COG3: variants seen among roughly 807,000 people sequenced by gnomAD.
COG3 encodes component of oligomeric golgi complex 3.
COG3 carries 32 observed loss-of-function variants against 114.1 expected under a neutral mutation model. The observed-to-expected ratio is 0.28, with a 90% confidence interval of 0.21 to 0.38. The LOEUF (loss-of-function observed/expected upper bound fraction) is 0.38. Ranked by LOEUF, COG3 falls within the 10% of genes least tolerant of loss-of-function variation. The pLI, the probability that COG3 is intolerant of heterozygous loss-of-function variation, is 1.00. For synonymous variants in COG3, 352 were observed against 365.7 expected (o/e 0.96, Z 0.43); for missense variants, 813 against 973.2 (o/e 0.84, Z 2.19).
chr13:45,533,105 G>C (rs955632569), intron 22 of COG3, among the ~76,000 whole-genome samples: 3 of 151,988 alleles, frequency 2.0e-5, no homozygotes, highest in Non-Finnish European at 2.9e-5. Flanking sequence ...GCTCTTCTGA[G>C]TGCTTCACGT....
chr13:45,466,286 G>A (rs1885136243), intron 1 of COG3, among the ~76,000 whole-genome samples: 1 of 152,066 alleles, frequency 6.6e-6, no homozygotes, highest in African/African-American at 2.4e-5. Context: ...TGATCTGCCC[G>A]CCTCGGCCTC....
chr13:45,511,338 T>G (rs563703812), intron 15 of COG3, among the ~76,000 whole-genome samples: 1 of 152,222 alleles, frequency 6.6e-6, no homozygotes, highest in Non-Finnish European at 1.5e-5. Flanking sequence ...TGAAGAGCCA[T>G]GTACATGATT....
At chr13:45,484,194 G>C (rs887101812) in intron 7 of COG3, among the ~76,000 whole-genome samples, 1 of 151,956 alleles carries the variant, frequency 6.6e-6, no homozygotes, top group African/African-American at 2.4e-5. Flanking sequence ...CATTTTTACC[G>C]TTCACATTGT....
Position 45,535,286 on chromosome 13 carries a change from C to T in COG3, c.*555C>T, listed in dbSNP as rs982350783. On this transcript the variant is annotated 3_prime_UTR_variant, in exon 23 of 23. Coordinates refer to ENST00000349995, the MANE Select transcript of COG3 (RefSeq NM_031431.4). Reference sequence around the variant, plus strand: ...AACACATTCTGCCTTCCTGGGAAGTCGGGGTGTCATCCTTTCCTCTGTTTG... The same window carrying T: ...AACACATTCTGCCTTCCTGGGAAGTTGGGGTGTCATCCTTTCCTCTGTTTG... 4.1e-6 allele frequency: 4 copies of T among 985,220 alleles called. No homozygotes were observed. Among genetic ancestry groups the T allele is most frequent in the Admixed American group, 6.2e-5 (1 of 16,256 alleles). 61.0% of individuals were successfully genotyped at this position (985,220 alleles called of 1,614,324 possible). A position where few individuals can be genotyped will look rare whatever the true frequency, so the allele number is the denominator to read the frequency against.
intron 1 of COG3, 36 bp downstream of exon 1, chr13:45,465,246 G>T (rs767448586): frequency 1.2e-6 from 2 of 1,604,526 alleles, no homozygotes; most frequent in Non-Finnish European, 1.7e-6. Flanking sequence ...CGGGGCGATG[G>T]GGCTGGGATT....
Position 45,465,134 on chromosome 13 carries a change from C to T in COG3, c.98C>T (p.Ala33Val). Residue 33 changes from alanine to valine, a missense_variant, in exon 1 of 23, where the codon GCG becomes GTG. Around this residue, in one of 2 missense-constraint regions of COG3, gnomAD observed 424 missense variants for 430.6 expected, o/e 0.98. Transcript: ENST00000349995. ...ALWDRRPDTT[A>V]PLTDRQTDSV... Reference sequence around the variant, plus strand: ...TGGGATCGGAGACCGGACACGACGGCGCCGCTGACCGACAGGCAGACGGAC... The same window carrying T: ...TGGGATCGGAGACCGGACACGACGGTGCCGCTGACCGACAGGCAGACGGAC... 3 of 1,613,494 alleles carry T rather than the reference C, an allele frequency of 1.9e-6. No individual in the cohort carries two copies. The highest frequency in any genetic ancestry group is 2.5e-6 in the Non-Finnish European group (3 of 1,179,882).
chr13:45,468,216 T>C (rs1885264691), intron 1 of COG3, among the ~76,000 whole-genome samples: 1 of 152,230 alleles, frequency 6.6e-6, no homozygotes, highest in Admixed American at 6.5e-5. Flanking sequence ...TTAGATGTGA[T>C]GTTTATCTTT....
intron 1 of COG3, among the ~76,000 whole-genome samples, chr13:45,469,119 G>A (rs1231633920): frequency 6.6e-6 from 1 of 152,200 alleles, no homozygotes; most frequent in Non-Finnish European, 1.5e-5. Context: ...CAAGGAAACA[G>A]GGAGCCTCCT....
intron 16 of COG3, among the ~76,000 whole-genome samples, chr13:45,515,253 GATTA>G (rs1254751712): frequency 6.6e-6 from 1 of 152,200 alleles, no homozygotes; most frequent in African/African-American, 2.4e-5. Context: ...ATAAGTCACT[GATTA>G]TGTTTATTAA....
chr13:45,535,645 A>G lies in COG3; in HGVS notation c.*914A>G, dbSNP rs1040244353. Reference sequence around the variant, plus strand: ...AAGCAAACACTTTCATGTCCTGTCTATTCATTCAGCTGGCTGTGCTGTGCT... The same window carrying G: ...AAGCAAACACTTTCATGTCCTGTCTGTTCATTCAGCTGGCTGTGCTGTGCT... On this transcript the variant is annotated 3_prime_UTR_variant, in exon 23 of 23. Transcript: ENST00000349995. The G allele has an allele frequency of 1.0e-6, 1 of 985,638 alleles. No homozygotes were observed. Among genetic ancestry groups the G allele is most frequent in the Non-Finnish European group, 1.2e-6 (1 of 830,102 alleles). The allele number at this position is 985,638 out of a possible 1,614,324, so 61.1% of individuals were successfully genotyped here.
At chr13:45,484,245 T>C (rs1034143554) in intron 7 of COG3, among the ~76,000 whole-genome samples, 17 of 152,174 alleles carry the variant, frequency 1.1e-4, no homozygotes, top group African/African-American at 4.1e-4. Flanking sequence ...TTTTTTTATT[T>C]TTTGCAAAAT....
intron 16 of COG3, among the ~76,000 whole-genome samples, chr13:45,515,288 G>A (rs1355107387): frequency 6.6e-6 from 1 of 152,140 alleles, no homozygotes; most frequent in Non-Finnish European, 1.5e-5. Flanking sequence ...GAGAGTAAGC[G>A]AGACTGGGAA....
Position 45,486,553 on chromosome 13 carries a change from G to A in COG3, c.902G>A (p.Arg301Gln). The A allele has an allele frequency of 1.2e-6, 2 of 1,608,802 alleles. No individual in the cohort carries two copies. The highest frequency in any genetic ancestry group is 1.7e-6 in the Non-Finnish European group (2 of 1,175,426). ...TTCACATTATTTTATGTGAAATTTC[G>A]AGCTGCTGCCCCCAAAGTCAGAGTA... is the stretch of plus-strand genomic sequence containing the variant. Reference protein sequence around the residue: ...NAFTLFYVKFRAAAPKVRTLI... With the variant: ...NAFTLFYVKFQAAAPKVRTLI... The change falls in exon 8 of 23, where the codon CGA becomes CAA. Residue 301 changes from arginine to glutamine, a missense_variant. Physicochemically the swap from Arg to Gln is conservative, Grantham distance 43 (BLOSUM62 1). Coordinates refer to ENST00000349995, the MANE Select transcript of COG3 (RefSeq NM_031431.4).
intron 13 of COG3, among the ~76,000 whole-genome samples, chr13:45,497,236 C>G (rs980588599): frequency 7.9e-5 from 12 of 152,196 alleles, no homozygotes; most frequent in Non-Finnish European, 1.8e-4. Context: ...GTTTATCTTC[C>G]TGATCTTTCA....
intron 12 of COG3, among the ~76,000 whole-genome samples, chr13:45,494,181 C>G (rs1349341294): frequency 6.6e-6 from 1 of 151,942 alleles, no homozygotes; most frequent in Non-Finnish European, 1.5e-5. Flanking sequence ...AAAAATTAGC[C>G]AGGCCTGGTG....
At chr13:45,497,855 T>C (rs1294016625) in intron 13 of COG3, among the ~76,000 whole-genome samples, 1 of 151,820 alleles carries the variant, frequency 6.6e-6, no homozygotes, top group Non-Finnish European at 1.5e-5. Context: ...GGACGGAATA[T>C]AACTTTACAC....
At chr13:45,508,209 A>G (rs1215667193) in intron 14 of COG3, among the ~76,000 whole-genome samples, 1 of 150,700 alleles carries the variant, frequency 6.6e-6, no homozygotes, top group Non-Finnish European at 1.5e-5. Context: ...AACCATTTAT[A>G]AAAAGGAATT....
At chr13:45,532,926 G>C (rs1873298392) in intron 22 of COG3, among the ~76,000 whole-genome samples, 2 of 151,830 alleles carry the variant, frequency 1.3e-5, no homozygotes, top group South Asian at 4.2e-4. Context: ...GTGTTCATGG[G>C]GGAAGATCTA....
chr13:45,491,101 T>C, intron 9 of COG3, 143 bp downstream of exon 9: 1 of 632,496 alleles, frequency 1.6e-6, no homozygotes, highest in Non-Finnish European at 2.7e-6. Context: ...GGGAGCAAGG[T>C]CACAGACTTA....
Sources: gnomAD v4.1 joint callset for allele counts (sites outside exome capture counted in the v4.1 genomes callset) on GRCh38, gnomAD v4.1.1 for gene constraint, gnomAD v4.1.1 regional missense constraint, MANE v1.5 for transcripts, NCBI Gene and HGNC (gene_info 2026-07-23, HGNC 2026-07-21) for gene names.